Variants in DGKK observed in about 807,000 individuals in gnomAD.
The protein encoded by DGKK is diacylglycerol kinase kappa.
Under a neutral mutation model 92.2 loss-of-function variants are expected in DGKK, and 35 were observed. The ratio of observed to expected loss-of-function variants is 0.38; its 90% CI spans 0.29 to 0.50. The LOEUF (loss-of-function observed/expected upper bound fraction) is 0.50. DGKK is among the 20% of genes least tolerant of loss of function. The probability of loss-of-function intolerance (pLI) is 0.92; values close to 1 mark genes in which losing one functional copy is unlikely to be tolerated. For synonymous variants in DGKK, 368 were observed against 360.6 expected, an observed-to-expected ratio of 1.02 and a Z score of -0.23; for missense variants, 910 against 992.2, an observed-to-expected ratio of 0.92 and a Z score of 1.11.
intron 7 of DGKK, among the ~76,000 whole-genome samples, chrX:50,402,147 C>T (rs782577188): frequency 8.9e-6 from 1 of 112,017 alleles, no homozygotes; most frequent in Non-Finnish European, 1.9e-5. Context: ...GTGGCTTATG[C>T]TCATAAGTCC....
At chrX:50,382,206 T>G in intron 18 of DGKK, among the ~76,000 whole-genome samples, 1 of 112,387 alleles carries the variant, frequency 8.9e-6, no homozygotes, top group Admixed American at 9.4e-5. Flanking sequence ...GTGGGCGATT[T>G]GCTAAATTGA....
intron 1 of DGKK, among the ~76,000 whole-genome samples, chrX:50,426,767 AATT>A (rs1925751371): frequency 8.9e-6 from 1 of 112,292 alleles, no homozygotes; most frequent in Admixed American, 9.5e-5. Context: ...AACTTTTAAA[AATT>A]ATTAATACAT....
At chrX:50,453,049 C>A (rs782373356) in intron 1 of DGKK, among the ~76,000 whole-genome samples, 4 of 111,791 alleles carry the variant, frequency 3.6e-5, no homozygotes, top group Non-Finnish European at 5.6e-5. Flanking sequence ...TCAATCATTA[C>A]AACCACCTTA....
At chrX:50,389,685 T>C (rs1176672349) in intron 12 of DGKK, among the ~76,000 whole-genome samples, 1 of 111,695 alleles carries the variant, frequency 9.0e-6, no homozygotes, top group Non-Finnish European at 1.9e-5. Context: ...CCTGATTACT[T>C]CTCTAGCCTC....
chrX:50,382,199 G>A (rs1924430250), intron 18 of DGKK, among the ~76,000 whole-genome samples: 1 of 112,263 alleles, frequency 8.9e-6, no homozygotes, highest in Admixed American at 9.4e-5. Context: ...AACAAAGGTG[G>A]GCGATTTGCT....
At chrX:50,426,010 C>T (rs983532927) in intron 1 of DGKK, among the ~76,000 whole-genome samples, 7 of 111,645 alleles carry the variant, frequency 6.3e-5, no homozygotes, top group African/African-American at 2.3e-4. Flanking sequence ...CTTCATAATA[C>T]CTAGGCAGTC....
rs1341659280 is a variant in DGKK at position 50,376,172 on chromosome X, TA to T, written c.3273-8del. ...CTTGCTCAGGTCATTAAGTCTGTAA[TA>T]AAGCAAGGACAGATAGATGAGTTGG... On this transcript the variant is annotated splice_region_variant and splice_polypyrimidine_tract_variant and intron_variant, in intron 23 of 27. Transcript: ENST00000611977. 1.7e-6 allele frequency: 2 copies of T among 1,209,160 alleles called. No individual in the cohort carries two copies. The highest frequency in any genetic ancestry group is 3.5e-5 in the African/African-American group (2 of 57,691).
chrX:50,408,538 C>T (rs1214323444), intron 4 of DGKK, among the ~76,000 whole-genome samples: 2 of 110,293 alleles, frequency 1.8e-5, no homozygotes, highest in Admixed American at 9.6e-5. Flanking sequence ...GCCACCACGC[C>T]CGGCTAATTT....
chrX:50,377,012 G>A, intron 22 of DGKK, 94 bp from the exon 23 acceptor site: 2 of 900,223 alleles, frequency 2.2e-6, no homozygotes, highest in African/African-American at 2.0e-5. Flanking sequence ...GTGGGCAATG[G>A]GTATGTGGGT....
At chrX:50,370,173 G>A (rs1039325035) in intron 27 of DGKK, among the ~76,000 whole-genome samples, 7 of 111,769 alleles carry the variant, frequency 6.3e-5, no homozygotes, top group Non-Finnish European at 1.3e-4. Flanking sequence ...AAAAATCACC[G>A]CCTGTTTGCA....
chrX:50,438,177 A>G (rs1181577648), intron 1 of DGKK, among the ~76,000 whole-genome samples: 1 of 110,555 alleles, frequency 9.0e-6, no homozygotes, highest in Non-Finnish European at 1.9e-5. Flanking sequence ...CAATGTACAC[A>G]CCCAAAATTG....
At chrX:50,379,786 A>G in intron 19 of DGKK, 52 bp from the exon 20 acceptor site, 1 of 1,056,698 alleles carries the variant, frequency 9.5e-7, no homozygotes, top group Non-Finnish European at 1.3e-6. Context: ...AGCAACATGA[A>G]GGAACATTTA....
chrX:50,466,958 C>T, intron 1 of DGKK, among the ~76,000 whole-genome samples: 1 of 111,622 alleles, frequency 9.0e-6, no homozygotes, highest in Non-Finnish European at 1.9e-5. Context: ...AAGTGTATCT[C>T]CCCTCAGATT....
chrX:50,378,596 A>G lies in DGKK; in HGVS notation c.2958T>C (p.His986=), dbSNP rs782379283. 62 of 1,205,477 alleles carry G rather than the reference A, an allele frequency of 5.1e-5. No homozygotes were observed. Among genetic ancestry groups the G allele is most frequent in the Middle Eastern group, 2.3e-4 (1 of 4,369 alleles). ...QMAMSRIINL[H]HHRIAQCHEV... The stretch of plus-strand genomic sequence containing the variant: ...TGCCTACCTGGGCAATGCGATGATG[A>G]TGCAGGTTGATGATACGGGACATTG... Residue 986 remains histidine, a synonymous_variant, in exon 21 of 28, where the codon CAT becomes CAC. Coordinates refer to ENST00000611977, the MANE Select transcript of DGKK (RefSeq NM_001013742.4).
chrX:50,418,324 A>C (rs1459258822), intron 4 of DGKK, among the ~76,000 whole-genome samples: 2 of 112,010 alleles, frequency 1.8e-5, no homozygotes, highest in Non-Finnish European at 3.8e-5. Flanking sequence ...ATTACCTACA[A>C]AGCTCATTGA....
At position 50,371,738 on chromosome X, in the gene DGKK, T is replaced by C. The variant is rs1924133648; in HGVS notation, c.3598A>G (p.Ile1200Val). The change falls in exon 26 of 28, where the codon ATC becomes GTC. Residue 1200 changes from isoleucine (I) to valine (V), a missense_variant. Ile to Val is a conservative substitution (Grantham distance 29). Transcript: ENST00000611977. ...AGATTACGCACCTCTGGAACAAAGA[T>C]TGGATTCATCCAGTCAATCTCAGAT... is the stretch of plus-strand genomic sequence containing the variant. ...KLSEIDWMNP[I>V]FVPEEKSSDT... 4 of 1,200,847 alleles carry C rather than the reference T, an allele frequency of 3.3e-6. No homozygotes were observed. Among genetic ancestry groups the C allele is most frequent in the East Asian group, 3.0e-5 (1 of 33,697 alleles).
intron 24 of DGKK, among the ~76,000 whole-genome samples, chrX:50,375,281 C>T (rs781949148): frequency 2.7e-5 from 3 of 111,644 alleles, no homozygotes; most frequent in South Asian, 3.8e-4. Flanking sequence ...TTGTGTAGTA[C>T]TATGTGAAGT....
intron 17 of DGKK, among the ~76,000 whole-genome samples, chrX:50,383,826 G>A (rs1202569652): frequency 8.9e-6 from 1 of 112,239 alleles, no homozygotes; most frequent in Non-Finnish European, 1.9e-5. Flanking sequence ...GTGAAAAAAA[G>A]CAAGTCCTCT....
chrX:50,445,112 C>T, intron 1 of DGKK, among the ~76,000 whole-genome samples: 1 of 97,405 alleles, frequency 1.0e-5, no homozygotes, highest in Admixed American at 1.2e-4. Context: ...TGTTCATATC[C>T]TTTGCCCACT....
Sources: allele counts gnomAD v4.1 joint callset (sites outside exome capture counted in the v4.1 genomes callset), GRCh38; gene constraint gnomAD v4.1.1; transcripts MANE v1.5; gene names NCBI Gene and HGNC (gene_info 2026-07-23, HGNC 2026-07-21).